The following AHSA1 variants were observed in gnomAD, a reference collection of about 807,000 sequenced individuals.
The protein encoded by AHSA1 is activator of HSP90 ATPase activity 1.
AHSA1 carries 14 observed loss-of-function variants against 46.1 expected under a neutral mutation model. The observed-to-expected ratio is 0.30, with a 90% CI of 0.20 to 0.47. The LOEUF is 0.47. Ranked by LOEUF, AHSA1 falls within the 20% of genes least tolerant of loss-of-function variation. The pLI is 0.99. For synonymous variants in AHSA1, 147 were observed against 145.8 expected (o/e 1.01, Z -0.06); for missense variants, 333 against 415.9 (o/e 0.80, Z 1.73).
chr14:77,469,230 A>G lies in AHSA1; in HGVS notation c.998A>G (p.Tyr333Cys). The G allele has an allele frequency of 1.2e-6, 2 of 1,613,964 alleles. No individual in the cohort carries two copies. Among genetic ancestry groups the G allele is most frequent in the East Asian group, 2.2e-5 (1 of 44,856 alleles). ...YFEGIKQTFGYGARLF is the reference protein window; with the variant it reads ...YFEGIKQTFGCGARLF ...GAGGGCATTAAACAGACCTTTGGCTATGGCGCACGCTTATTTTAGGGCCAG... is the reference window on the plus strand; with the variant it reads ...GAGGGCATTAAACAGACCTTTGGCTGTGGCGCACGCTTATTTTAGGGCCAG... Residue 333 changes from tyrosine to cysteine, a missense_variant, in exon 9 of 9, where the codon TAT becomes TGT. By Grantham distance (194) the Tyr-to-Cys change is radical. Coordinates refer to ENST00000216479, the MANE Select transcript of AHSA1 (RefSeq NM_012111.3).
chr14:77,468,427 A>C, intron 7 of AHSA1, 30 bp from the exon 8 acceptor site: 1 of 1,597,160 alleles, frequency 6.3e-7, no homozygotes, highest in Non-Finnish European at 8.6e-7. Flanking sequence ...TGTAGTATAT[A>C]ATATAGACTG....
rs143182823 is a variant in AHSA1, at chr14:77,462,524, G to A, written c.355-118G>A. On this transcript the variant is annotated intron_variant, in intron 3 of 8. Coordinates refer to ENST00000216479, the MANE Select transcript of AHSA1 (RefSeq NM_012111.3). ...CACTAATGGGGATTGTACGAATACC[G>A]CAGTACTCATGCATTTCCTTTGGAA... 3.0e-3 allele frequency: 2,866 copies of A among 946,326 alleles called. 18 individuals carry two copies. Among genetic ancestry groups the A allele is most frequent in the African/African-American group, 0.016 (1,010 of 62,158 alleles). The allele number at this position is 946,326 out of a possible 1,614,324, so 58.6% of individuals were successfully genotyped here. A position where few individuals can be genotyped will look rare whatever the true frequency, so the allele number is the denominator to read the frequency against.
chr14:77,468,739 TTTTTTTACTTTTTTAC>T (rs1435162132), intron 8 of AHSA1: 13 of 476,066 alleles, frequency 2.7e-5, no homozygotes, highest in African/African-American at 1.0e-4. Context: ...TTTTTTTTTT[TTTTTTTACTTTTTTAC>T]TTTTTTTGTA....
intron 6 of AHSA1, among the ~76,000 whole-genome samples, chr14:77,467,505 A>G (rs2079052418): frequency 1.3e-5 from 2 of 152,006 alleles, no homozygotes; most frequent in South Asian, 4.2e-4. Context: ...CAGCCTGGCC[A>G]AGATGGTGAA....
chr14:77,468,721 C>CTTTTTTTTTTTTTTTTTTT (rs572116649), intron 8 of AHSA1: 8 of 224,420 alleles, frequency 3.6e-5, no homozygotes, highest in African/African-American at 1.8e-4. Flanking sequence ...ACCATGCCAG[C>CTTTTTTTTTTTTTTTTTTT]TTTTTTTTTT....
chr14:77,459,352 C>T (rs766651492), intron 1 of AHSA1, among the ~76,000 whole-genome samples: 6 of 152,154 alleles, frequency 3.9e-5, no homozygotes, highest in African/African-American at 7.2e-5. Context: ...AAGTATTCCC[C>T]CGCACCATCA....
chr14:77,459,570 A>G lies in AHSA1; in HGVS notation c.81-46A>G, dbSNP rs1288155858. On this transcript the variant is annotated intron_variant, in intron 1 of 8. Transcript: ENST00000216479. ...CGTATTCTCTTGCATAGAGCAGCGTATCCTCCGTTTGACTGCTGGTTCATA... is the reference window on the plus strand; with the variant it reads ...CGTATTCTCTTGCATAGAGCAGCGTGTCCTCCGTTTGACTGCTGGTTCATA... 2.5e-6 allele frequency: 4 copies of G among 1,596,484 alleles called. No individual in the cohort carries two copies. The East Asian group carries it at 6.7e-5, about 27-fold the overall frequency.
At chr14:77,466,609 C>T (rs2139943195) in intron 6 of AHSA1, among the ~76,000 whole-genome samples, 1 of 152,312 alleles carries the variant, frequency 6.6e-6, no homozygotes, top group Admixed American at 6.5e-5. Context: ...CGCCTGCACC[C>T]AAAATACTCT....
chr14:77,468,560 T>TC (rs1555369837), intron 8 of AHSA1, 52 bp downstream of exon 8: 1 of 1,395,718 alleles, frequency 7.2e-7, no homozygotes, highest in Non-Finnish European at 9.9e-7. Context: ...CTCTTTGCTG[T>TC]AATTTTTTTT....
chr14:77,467,396 T>C (rs1051841585), intron 6 of AHSA1, among the ~76,000 whole-genome samples: 2 of 146,318 alleles, frequency 1.4e-5, no homozygotes, highest in Admixed American at 6.9e-5. Flanking sequence ...GAGACCTATC[T>C]CAAAAAAAAT....
chr14:77,469,298 C>G lies in AHSA1; in HGVS notation c.*49C>G, dbSNP rs1235098675. 1 of 1,591,388 alleles carries G rather than the reference C, an allele frequency of 6.3e-7. No individual in the cohort carries two copies. Among genetic ancestry groups the G allele is most frequent in the Non-Finnish European group, 8.6e-7 (1 of 1,166,712 alleles). ...CTGCTGGACACTTCAGTCCAGCTCT[C>G]TCCTGACTGGGGCTTGCGACTCACA... On this transcript the variant is annotated 3_prime_UTR_variant, in exon 9 of 9. Transcript: ENST00000216479.
intron 4 of AHSA1, among the ~76,000 whole-genome samples, chr14:77,463,610 A>C (rs866873127): frequency 6.6e-6 from 1 of 151,008 alleles, no homozygotes; most frequent in Non-Finnish European, 1.5e-5. Context: ...CAAAAAAAAA[A>C]CTGTATTTGA....
intron 6 of AHSA1, 42 bp downstream of exon 6, chr14:77,465,709 T>C: frequency 6.2e-7 from 1 of 1,605,796 alleles, no homozygotes; most frequent in Non-Finnish European, 8.5e-7. Flanking sequence ...CATCTGCCCT[T>C]CTAGGTGACT....
chr14:77,468,720 G>GATT, intron 8 of AHSA1: 1 of 295,048 alleles, frequency 3.4e-6, no homozygotes, highest in South Asian at 7.8e-5. Context: ...CACCATGCCA[G>GATT]CTTTTTTTTT....
chr14:77,468,744 TTACTTTTTTAC>T, intron 8 of AHSA1: 2 of 399,638 alleles, frequency 5.0e-6, no homozygotes, highest in Non-Finnish European at 8.6e-6. Flanking sequence ...TTTTTTTTTT[TTACTTTTTTAC>T]TTTTTTTGTA....
rs2079030980 is a variant in AHSA1 at position 77,462,701 on chromosome 14, A to G, written c.414A>G (p.Glu138=). The G allele has an allele frequency of 3.7e-6, 6 of 1,614,086 alleles. No individual in the cohort carries two copies. Among genetic ancestry groups the G allele is most frequent in the African/African-American group, 1.3e-5 (1 of 74,942 alleles). The change falls in exon 4 of 9, where the codon GAA becomes GAG. Residue 138 remains glutamate, a synonymous_variant. Coordinates refer to ENST00000216479, the MANE Select transcript of AHSA1 (RefSeq NM_012111.3). The part of the protein sequence containing the change: ...PDTNLVALMK[E]EGVKLLREAM... ...CAAATCTCGTGGCCTTAATGAAGGA[A>G]GAAGGGGTGAAACTTCTAAGAGAAG...
intron 4 of AHSA1, 123 bp downstream of exon 4, chr14:77,462,882 T>G: frequency 1.3e-6 from 1 of 797,664 alleles, no homozygotes; most frequent in Non-Finnish European, 2.1e-6. Flanking sequence ...GGGGCTTATT[T>G]CATCTTAAAG....
chr14:77,457,902 T>C (rs1331649986), upstream of AHSA1: 5 of 498,302 alleles, frequency 1.0e-5, no homozygotes, highest in Non-Finnish European at 1.4e-5. Flanking sequence ...GGAATGGTTG[T>C]ATGAGCAGTT....
Position 77,468,148 on chromosome 14 carries a change from G to A in AHSA1, c.756G>A (p.Met252Ile), listed in dbSNP as rs749961382. The A allele has an allele frequency of 6.4e-7, 1 of 1,561,156 alleles. No homozygotes were observed. The highest frequency in any genetic ancestry group is 1.2e-5 in the South Asian group (1 of 84,900). ...CAGACAGAGGTGGAAAGTTCCACATGGTAGATGGCAACGTCTCTGGGGAAT... is the reference window on the plus strand; with the variant it reads ...CAGACAGAGGTGGAAAGTTCCACATAGTAGATGGCAACGTCTCTGGGGAAT... ...LEADRGGKFH[M>I]VDGNVSGEFT... Residue 252 changes from methionine (M) to isoleucine (I), a missense_variant, in exon 7 of 9, where the codon ATG becomes ATA. Transcript: ENST00000216479.
Sources: gnomAD v4.1 joint callset for allele counts (sites outside exome capture counted in the v4.1 genomes callset) on GRCh38, gnomAD v4.1.1 for gene constraint, MANE v1.5 for transcripts, NCBI Gene and HGNC (gene_info 2026-07-23, HGNC 2026-07-21) for gene names.